The following SLCO5A1 variants were observed in gnomAD, a reference collection of about 807,000 sequenced individuals.
The protein encoded by SLCO5A1 is organic anion transporter polypeptide-related protein 4.
Under a neutral mutation model 65.1 loss-of-function variants are expected in SLCO5A1, and 39 were observed. That is an observed-to-expected ratio of 0.60 (90% confidence interval 0.46 to 0.78). The LOEUF (loss-of-function observed/expected upper bound fraction) is 0.78, where lower values mean the gene tolerates loss of function less well. Among genes scored for constraint, SLCO5A1 ranks in the 30% least tolerant of loss-of-function variants. The probability of loss-of-function intolerance (pLI) is 0.00; values close to 1 mark genes in which losing one functional copy is unlikely to be tolerated. For missense variants in SLCO5A1, 1,029 were observed against 1,069.4 expected, an observed-to-expected ratio of 0.96 and a Z score of 0.53; for synonymous variants, 438 against 415.7, an observed-to-expected ratio of 1.05 and a Z score of -0.65.
chr8:69,675,179 T>C lies in SLCO5A1; in HGVS notation c.2089+1430A>G, dbSNP rs192382166. Among the ~76,000 whole-genome samples, 425 of 134,500 alleles carry C rather than the reference T, an allele frequency of 3.2e-3. 2 individuals carry two copies. The highest frequency in any genetic ancestry group is 0.015 in the African/African-American group (415 of 27,874). The allele number at this position is 134,500 out of a possible 152,430, so 88.2% of individuals were successfully genotyped here. On this transcript the variant is annotated intron_variant, in intron 9 of 9. Transcript: ENST00000260126. ...TTTAACAAGATCTATAAGACTGACTTTTTTTTTTTTTTCAGACAGAGTTCT... is the reference window on the plus strand; with the variant it reads ...TTTAACAAGATCTATAAGACTGACTCTTTTTTTTTTTTCAGACAGAGTTCT...
intron 4 of SLCO5A1, among the ~76,000 whole-genome samples, chr8:69,750,559 C>T (rs187712559): frequency 2.0e-5 from 3 of 151,866 alleles, no homozygotes; most frequent in East Asian, 1.9e-4. Flanking sequence ...AACCACAAAA[C>T]GCTTGTTCAG....
chr8:69,830,959 A>G (rs1821125899), intron 2 of SLCO5A1, among the ~76,000 whole-genome samples: 1 of 152,178 alleles, frequency 6.6e-6, no homozygotes, highest in Non-Finnish European at 1.5e-5. Flanking sequence ...ACATTATTCA[A>G]ATTTTTGTTG....
At chr8:69,737,060 A>G (rs188683766) in intron 5 of SLCO5A1, among the ~76,000 whole-genome samples, 29 of 152,366 alleles carry the variant, frequency 1.9e-4, no homozygotes, top group Admixed American at 9.1e-4. Flanking sequence ...AGTCCACAGC[A>G]GTGTATTCTT....
chr8:69,756,752 C>T (rs1163166800), intron 3 of SLCO5A1, among the ~76,000 whole-genome samples: 3 of 152,212 alleles, frequency 2.0e-5, no homozygotes, highest in African/African-American at 7.2e-5. Flanking sequence ...CACTAGGAAG[C>T]AAACACAGGG....
chr8:69,802,572 G>A (rs1015688706), intron 2 of SLCO5A1, among the ~76,000 whole-genome samples: 21 of 150,684 alleles, frequency 1.4e-4, no homozygotes, highest in African/African-American at 3.7e-4. Context: ...TTTCCTGAAC[G>A]TATCTGGTCA....
chr8:69,832,755 C>T lies in SLCO5A1; in HGVS notation c.-82G>A, dbSNP rs2130932353. On this transcript the variant is annotated 5_prime_UTR_variant, in exon 2 of 10. Coordinates refer to ENST00000260126, the MANE Select transcript of SLCO5A1 (RefSeq NM_030958.3). The surrounding 1 kb of genome is among the most constrained non-coding windows in gnomAD (Gnocchi z 4.5). ...ATCCACCGGCACGAGGGGCCGAAGCCGGGCCCAGTCAGTCTTGCCCACCTG... is the reference window on the plus strand; with the variant it reads ...ATCCACCGGCACGAGGGGCCGAAGCTGGGCCCAGTCAGTCTTGCCCACCTG... The T allele has an allele frequency of 1.4e-6, 2 of 1,475,118 alleles. No individual in the cohort carries two copies. Among genetic ancestry groups the T allele is most frequent in the African/African-American group, 1.4e-5 (1 of 71,580 alleles). The allele number at this position is 1,475,118 out of a possible 1,614,324, so 91.4% of individuals were successfully genotyped here.
chr8:69,737,258 C>T (rs1412326474), intron 5 of SLCO5A1, among the ~76,000 whole-genome samples: 1 of 152,148 alleles, frequency 6.6e-6, no homozygotes, highest in African/African-American at 2.4e-5. Flanking sequence ...AACGTAGGAG[C>T]CTAAGTCACT....
rs2130778953 is a variant in SLCO5A1, at chr8:69,669,428, A to T, written c.*3441T>A. On this transcript the variant is annotated 3_prime_UTR_variant, in exon 10 of 10. Coordinates refer to ENST00000260126, the MANE Select transcript of SLCO5A1 (RefSeq NM_030958.3). The stretch of plus-strand genomic sequence containing the variant: ...AAAAAATGAATAATGGAGTGAGAGA[A>T]ATCTATGTCTGAATCCTGACTTTAC... 6.6e-6 allele frequency: 1 copy of T among 152,332 alleles called. No individual in the cohort carries two copies. The highest frequency in any genetic ancestry group is 1.9e-4 in the East Asian group (1 of 5,184). The allele number at this position is 152,332 out of a possible 1,614,324, so 9.4% of individuals were successfully genotyped here.
At chr8:69,740,884 T>C (rs961101467) in intron 4 of SLCO5A1, among the ~76,000 whole-genome samples, 1 of 152,198 alleles carries the variant, frequency 6.6e-6, no homozygotes, top group African/African-American at 2.4e-5. Flanking sequence ...GAATGAGATA[T>C]AGTCGGTTTT....
intron 2 of SLCO5A1, among the ~76,000 whole-genome samples, chr8:69,797,629 G>GGGC (rs2130899299): frequency 6.6e-6 from 1 of 152,332 alleles, no homozygotes; most frequent in African/African-American, 2.4e-5. Context: ...TTCGTGGCGG[G>GGGC]GGGTGGCCGT....
chr8:69,727,607 C>T (rs778353743), intron 5 of SLCO5A1, among the ~76,000 whole-genome samples: 7 of 152,218 alleles, frequency 4.6e-5, no homozygotes, highest in Non-Finnish European at 1.0e-4. Context: ...GAAGGCACCT[C>T]GCTAATGCCA....
intron 7 of SLCO5A1, among the ~76,000 whole-genome samples, chr8:69,680,762 C>A (rs1035593721): frequency 6.6e-6 from 1 of 152,008 alleles, no homozygotes; most frequent in African/African-American, 2.4e-5. Flanking sequence ...TTTTAAACAT[C>A]TTTGAAGTCC....
Position 69,762,162 on chromosome 8 carries a change from C to A in SLCO5A1, c.908-287G>T, listed in dbSNP as rs867597331. On this transcript the variant is annotated intron_variant, in intron 2 of 9. Transcript: ENST00000260126. ...TCTTTCTTTCTTTCTTTCTTTCTTT[C>A]TTTCTTTCTTTCTTTCTTTCTTTCT... is the stretch of plus-strand genomic sequence containing the variant. 4.4e-4 allele frequency among the ~76,000 whole-genome samples: 58 copies of A among 131,970 alleles called. 2 individuals carry two copies. The South Asian group carries it at 8.4e-3, about 19-fold the overall frequency. The allele number at this position is 131,970 out of a possible 152,430, so 86.6% of individuals were successfully genotyped here. A position where few individuals can be genotyped will look rare whatever the true frequency, so the allele number is the denominator to read the frequency against.
intron 2 of SLCO5A1, among the ~76,000 whole-genome samples, chr8:69,769,305 T>C (rs1818212030): frequency 1.4e-5 from 2 of 144,024 alleles, no homozygotes; most frequent in Admixed American, 6.7e-5. Flanking sequence ...TTTCCATCTT[T>C]CCAGCTAGGT....
intron 5 of SLCO5A1, among the ~76,000 whole-genome samples, chr8:69,712,414 T>G (rs1815309431): frequency 6.6e-6 from 1 of 152,236 alleles, no homozygotes. Context: ...AGCTAATGAC[T>G]GAATTTTTCC....
chr8:69,707,943 T>C (rs1313562157), intron 5 of SLCO5A1, among the ~76,000 whole-genome samples: 1 of 152,172 alleles, frequency 6.6e-6, no homozygotes, highest in African/African-American at 2.4e-5. Context: ...CCCAGTTGTG[T>C]CTGTGGGCTG....
intron 2 of SLCO5A1, among the ~76,000 whole-genome samples, chr8:69,805,522 A>G (rs1563734905): frequency 6.6e-6 from 1 of 152,256 alleles, no homozygotes; most frequent in African/African-American, 2.4e-5. Context: ...TATTAAAGTT[A>G]TATTAAAACT....
intron 4 of SLCO5A1, among the ~76,000 whole-genome samples, chr8:69,743,476 C>T (rs534255641): frequency 7.2e-5 from 11 of 152,202 alleles, no homozygotes; most frequent in South Asian, 6.2e-4. Flanking sequence ...ATCAGCCTCC[C>T]GAGTAACTAG....
chr8:69,796,253 T>C (rs1952677268), intron 2 of SLCO5A1, among the ~76,000 whole-genome samples: 1 of 152,186 alleles, frequency 6.6e-6, no homozygotes, highest in South Asian at 2.1e-4. Flanking sequence ...AGTTGGTTTT[T>C]TTTTTTTCCT....
Sources: gnomAD v4.1 joint callset for allele counts (sites outside exome capture counted in the v4.1 genomes callset) on GRCh38, gnomAD v4.1.1 for gene constraint, Gnocchi (gnomAD v3.1) non-coding constraint, MANE v1.5 for transcripts, NCBI Gene and HGNC (gene_info 2026-07-23, HGNC 2026-07-21) for gene names.